The following PDE3B variants were observed in gnomAD, a reference collection of about 807,000 sequenced individuals.
PDE3B encodes phosphodiesterase 3B, also known as cGMP-inhibited 3',5'-cyclic phosphodiesterase 3B.
In PDE3B, 66 loss-of-function variants were observed where a neutral mutation model predicts 116.8. The ratio of observed to expected loss-of-function variants is 0.56; its 90% CI spans 0.46 to 0.69. PDE3B has a LOEUF of 0.69. Ranked by LOEUF, PDE3B falls within the 30% of genes least tolerant of loss-of-function variation. The probability of loss-of-function intolerance (pLI) is 0.00; values close to 1 mark genes in which losing one functional copy is unlikely to be tolerated. For missense variants in PDE3B, 1,384 were observed against 1,368.1 expected, an observed-to-expected ratio of 1.01 and a Z score of -0.18; for synonymous variants, 595 against 533.6, an observed-to-expected ratio of 1.12 and a Z score of -1.59.
the PDE3B span, among the ~76,000 whole-genome samples, chr11:14,895,086 C>T: frequency 2.4e-4 from 36 of 152,340 alleles, no homozygotes; most frequent in African/African-American, 8.7e-4. Context: ...CTCCAGGGCT[C>T]ATCCTGAGGG....
chr11:14,644,756 C>G lies in PDE3B; in HGVS notation c.681C>G (p.Ser227Arg). ...RHCVLVLLLA[S>R]FVWWVSFTSL... ...GCGTTCTGGTGCTGCTCCTGGCCAG[C>G]TTCGTCTGGTGGGTCTCCTTCACCA... Residue 227 changes from serine to arginine, a missense_variant, in exon 1 of 16, where the codon AGC (serine) becomes AGG (arginine). Transcript: ENST00000282096. 1 of 1,595,236 alleles carries G rather than the reference C, an allele frequency of 6.3e-7. No homozygotes were observed.
intron 1 of PDE3B, among the ~76,000 whole-genome samples, chr11:14,662,573 G>A (rs562065565): frequency 9.4e-4 from 143 of 152,162 alleles, no homozygotes; most frequent in African/African-American, 3.2e-3. Flanking sequence ...AAATTTAGAC[G>A]AATGTATAAC....
rs1853315344 is a variant in PDE3B at position 14,644,493 on chromosome 11, A to C, written c.418A>C (p.Lys140Gln). Residue 140 changes from lysine to glutamine, a missense_variant, in exon 1 of 16, where the codon AAG becomes CAG. Lys to Gln is a moderately conservative substitution (Grantham distance 53). Transcript: ENST00000282096. The stretch of plus-strand genomic sequence containing the variant: ...CCTCACCTGCTTCCTCACCCGGACC[A>C]AGCGGGGACCCGGCCCGGGCCGGAG... ...FFLTCFLTRT[K>Q]RGPGPGRSCG... 4 of 1,612,320 alleles carry C rather than the reference A, an allele frequency of 2.5e-6. No homozygotes were observed.
intron 7 of PDE3B, among the ~76,000 whole-genome samples, chr11:14,828,695 C>G (rs551182741): frequency 6.6e-6 from 1 of 152,274 alleles, no homozygotes. Context: ...AAAAGAAACA[C>G]TTATACACTG....
At chr11:14,683,045 C>G (rs1417504527) in intron 1 of PDE3B, among the ~76,000 whole-genome samples, 2 of 151,554 alleles carry the variant, frequency 1.3e-5, no homozygotes, top group African/African-American at 4.9e-5. Flanking sequence ...TCAAGTGATT[C>G]TCCTGCCTCA....
intron 4 of PDE3B, among the ~76,000 whole-genome samples, chr11:14,795,585 T>C (rs1159694300): frequency 2.0e-5 from 3 of 152,158 alleles, no homozygotes; most frequent in African/African-American, 4.8e-5. Flanking sequence ...ATGTATGATA[T>C]ACTGAAATTA....
chr11:14,802,365 C>T (rs920772408), intron 4 of PDE3B, among the ~76,000 whole-genome samples: 32 of 152,154 alleles, frequency 2.1e-4, no homozygotes, highest in East Asian at 1.9e-4. Context: ...CTGTTCCTCA[C>T]GGCACAGTTC....
chr11:14,712,567 C>T lies in PDE3B; in HGVS notation c.979-59370C>T, dbSNP rs1855740972. ...TTGGCTCACTACAGTCTCCGCCTCG[C>T]AGGTTCAAGTGATTCTCCTGCCTCA... On this transcript the variant is annotated intron_variant, in intron 1 of 15. Coordinates refer to ENST00000282096, the MANE Select transcript of PDE3B (RefSeq NM_000922.4). Among the ~76,000 whole-genome samples the T allele has an allele frequency of 2.1e-5, 3 of 144,674 alleles. No individual in the cohort carries two copies. The South Asian group carries it at 6.7e-4, about 32-fold the overall frequency. The allele number at this position is 144,674 out of a possible 152,430, so 94.9% of individuals were successfully genotyped here. A position where few individuals can be genotyped will look rare whatever the true frequency, so the allele number is the denominator to read the frequency against.
chr11:14,824,824 C>T (rs1461180515), intron 7 of PDE3B, among the ~76,000 whole-genome samples: 2 of 152,100 alleles, frequency 1.3e-5, no homozygotes, highest in Non-Finnish European at 2.9e-5. Flanking sequence ...CCCCAAGATG[C>T]ATAATCATCA....
At position 14,843,906 on chromosome 11, in the gene PDE3B, C is replaced by T; in HGVS notation, c.2400C>T (p.Gly800=). ...GCTCTAATCCTGATGAGAGTTATGGCTGCCTGTCTTCAAACATTCCTGCAT... is the reference window on the plus strand; with the variant it reads ...GCTCTAATCCTGATGAGAGTTATGGTTGCCTGTCTTCAAACATTCCTGCAT... ...KSCSNPDESY[G]CLSSNIPALE... The change falls in exon 12 of 16, where the codon GGC becomes GGT. Residue 800 remains glycine, a synonymous_variant. Coordinates refer to ENST00000282096, the MANE Select transcript of PDE3B (RefSeq NM_000922.4). 1.9e-6 allele frequency: 3 copies of T among 1,614,000 alleles called. No homozygotes were observed. Among genetic ancestry groups the T allele is most frequent in the Non-Finnish European group, 1.7e-6 (2 of 1,179,864 alleles).
the PDE3B span, chr11:14,891,240 C>T: frequency 1.0e-6 from 1 of 984,942 alleles, no homozygotes; most frequent in African/African-American, 1.7e-5. Flanking sequence ...GAGCGAAGTA[C>T]CGACCTCACC....
At chr11:14,887,809 C>G in the PDE3B span, 1 of 159,712 alleles carries the variant, frequency 6.3e-6, no homozygotes, top group Non-Finnish European at 1.3e-5. Context: ...TCCAACTGCT[C>G]AGCAGTTATG....
At chr11:14,885,860 C>G in the PDE3B span, 1 of 1,613,434 alleles carries the variant, frequency 6.2e-7, no homozygotes, top group Non-Finnish European at 8.5e-7. Flanking sequence ...CATTCCTTTA[C>G]TACATCATAG....
intron 12 of PDE3B, among the ~76,000 whole-genome samples, chr11:14,850,184 T>C (rs1203761015): frequency 1.3e-5 from 2 of 151,976 alleles, no homozygotes; most frequent in Non-Finnish European, 2.9e-5. Flanking sequence ...TCATGTCCTT[T>C]GTAGGGACAT....
the PDE3B span, among the ~76,000 whole-genome samples, chr11:14,897,553 T>A: frequency 6.6e-6 from 1 of 152,216 alleles, no homozygotes; most frequent in African/African-American, 2.4e-5. Context: ...GTACTGTATC[T>A]TGGGTCATCA....
chr11:14,779,783 ACAT>A (rs1162579754), intron 2 of PDE3B, among the ~76,000 whole-genome samples: 2 of 152,246 alleles, frequency 1.3e-5, no homozygotes, highest in African/African-American at 4.8e-5. Flanking sequence ...TAACCAGCTA[ACAT>A]CATAATGACA....
intron 5 of PDE3B, among the ~76,000 whole-genome samples, chr11:14,807,569 GAGAAA>G (rs1177511463): frequency 2.6e-5 from 4 of 152,002 alleles, no homozygotes; most frequent in Admixed American, 6.6e-5. Context: ...AAAAGAATCT[GAGAAA>G]AGAAAAGCAA....
the PDE3B span, chr11:14,885,625 C>G: frequency 5.2e-6 from 4 of 773,228 alleles, no homozygotes; most frequent in African/African-American, 3.5e-5. Context: ...TGTAGTACAG[C>G]CTGAAAGGTC....
At chr11:14,789,903 G>T (rs1422372359) in intron 4 of PDE3B, among the ~76,000 whole-genome samples, 1 of 151,956 alleles carries the variant, frequency 6.6e-6, no homozygotes, top group African/African-American at 2.4e-5. Flanking sequence ...TCTTTTGAAA[G>T]CCAGGAAGGA....
Sources: allele counts gnomAD v4.1 joint callset (sites outside exome capture counted in the v4.1 genomes callset), GRCh38; gene constraint gnomAD v4.1.1; transcripts MANE v1.5; gene names NCBI Gene and HGNC (gene_info 2026-07-23, HGNC 2026-07-21).